The following ANKRD44 variants were observed in gnomAD, a reference collection of about 807,000 sequenced individuals.
ANKRD44 encodes the protein serine/threonine-protein phosphatase 6 regulatory ankyrin repeat subunit B.
A neutral mutation model predicts 116.0 loss-of-function variants in ANKRD44; 35 were observed. The ratio of observed to expected loss-of-function variants is 0.30; its 90% confidence interval spans 0.23 to 0.40. The LOEUF (loss-of-function observed/expected upper bound fraction) is 0.40. ANKRD44 is among the 10% of genes least tolerant of loss of function. ANKRD44 has a pLI of 1.00. For synonymous variants in ANKRD44, 435 were observed against 461.8 expected (o/e 0.94, Z 0.74); for missense variants, 1,014 against 1,242.6 (o/e 0.82, Z 2.77).
At chr2:196,991,729 T>C (rs1351466689) in intron 27 of ANKRD44, among the ~76,000 whole-genome samples, 2 of 150,864 alleles carry the variant, frequency 1.3e-5, no homozygotes, top group Non-Finnish European at 1.5e-5. Flanking sequence ...TATAGGTGTG[T>C]GCCACTACTA....
intron 16 of ANKRD44, among the ~76,000 whole-genome samples, chr2:197,048,742 C>T (rs2077050993): frequency 6.6e-6 from 1 of 152,184 alleles, no homozygotes; most frequent in South Asian, 2.1e-4. Context: ...ATTTCTAGTT[C>T]TAGATCCTTG....
chr2:197,074,476 T>C (rs1336097773), intron 16 of ANKRD44, among the ~76,000 whole-genome samples: 2 of 152,160 alleles, frequency 1.3e-5, no homozygotes, highest in Non-Finnish European at 2.9e-5. Context: ...TGTAAGTCCA[T>C]ATTATTTTTC....
At chr2:197,025,980 A>G (rs1394458752) in intron 16 of ANKRD44, among the ~76,000 whole-genome samples, 1 of 147,298 alleles carries the variant, frequency 6.8e-6, no homozygotes, top group East Asian at 2.1e-4. Flanking sequence ...TTGGTGGAAG[A>G]ACAAATTGTT....
intron 10 of ANKRD44, among the ~76,000 whole-genome samples, chr2:197,094,632 G>A (rs1243681772): frequency 6.6e-6 from 1 of 152,184 alleles, no homozygotes; most frequent in East Asian, 1.9e-4. Context: ...AAGTGTCCCA[G>A]CAAAGTGGGA....
intron 1 of ANKRD44, among the ~76,000 whole-genome samples, chr2:197,227,193 C>A (rs1157988298): frequency 1.3e-5 from 2 of 152,242 alleles, no homozygotes; most frequent in Non-Finnish European, 2.9e-5. Flanking sequence ...TAAAAAACTT[C>A]ATTCGGTGGT....
intron 16 of ANKRD44, among the ~76,000 whole-genome samples, chr2:197,069,112 G>A (rs752400610): frequency 6.6e-5 from 10 of 152,134 alleles, no homozygotes; most frequent in Non-Finnish European, 1.2e-4. Flanking sequence ...GGAATACTAT[G>A]CAGCCATAAA....
intron 16 of ANKRD44, among the ~76,000 whole-genome samples, chr2:197,076,878 A>T (rs2077680798): frequency 6.6e-6 from 1 of 152,176 alleles, no homozygotes; most frequent in South Asian, 2.1e-4. Flanking sequence ...GTATCTATGT[A>T]CCATACTGTC....
chr2:197,208,942 C>T (rs1260344732), intron 1 of ANKRD44, among the ~76,000 whole-genome samples: 1 of 152,218 alleles, frequency 6.6e-6, no homozygotes, highest in Non-Finnish European at 1.5e-5. Context: ...GTCTGCCTCT[C>T]TCAGAACATA....
chr2:197,276,665 G>A (rs1182546294), intron 1 of ANKRD44, among the ~76,000 whole-genome samples: 1 of 151,990 alleles, frequency 6.6e-6, no homozygotes, highest in African/African-American at 2.4e-5. Flanking sequence ...TATAATTAGA[G>A]TATTACATTG....
chr2:197,263,438 A>G (rs1222311099), intron 1 of ANKRD44: 5 of 565,020 alleles, frequency 8.8e-6, no homozygotes, highest in Non-Finnish European at 1.6e-5. Context: ...TCTCTGAAAC[A>G]ACAGCTCTTC....
chr2:197,114,307 C>T (rs1472174718), intron 8 of ANKRD44, among the ~76,000 whole-genome samples: 2 of 152,160 alleles, frequency 1.3e-5, no homozygotes. Context: ...TTTCTAGCTA[C>T]ATTTTCCCAT....
At chr2:197,300,674 C>T (rs183358111) in intron 1 of ANKRD44, among the ~76,000 whole-genome samples, 151 of 152,008 alleles carry the variant, frequency 9.9e-4, no homozygotes, top group African/African-American at 3.5e-3. Context: ...AGAATGTGCA[C>T]CTTGGAGTTG....
intron 4 of ANKRD44, among the ~76,000 whole-genome samples, chr2:197,132,033 C>T (rs2125369592): frequency 6.6e-6 from 1 of 152,276 alleles, no homozygotes; most frequent in East Asian, 1.9e-4. Flanking sequence ...TGTTAGCTGG[C>T]ACTATAAAAG....
rs773109384 is a variant in ANKRD44 at position 197,013,568 on chromosome 2, C to T, written c.1867G>A (p.Gly623Ser). 6.2e-7 allele frequency: 1 copy of T among 1,614,160 alleles called. No homozygotes were observed. The highest frequency in any genetic ancestry group is 1.1e-5 in the South Asian group (1 of 91,080). The change falls in exon 18 of 28, where the codon GGC becomes AGC. Residue 623 changes from glycine (G) to serine (S), a missense_variant. Gly to Ser is a moderately conservative substitution (Grantham distance 56, BLOSUM62 0). Transcript: ENST00000282272. ...TECVEALINQ[G>S]ASIFVKDNVT... is the part of the protein sequence containing the mutation. Reference sequence around the variant, plus strand: ...TTGTCTTTCACAAAGATGGATGCGCCCTGATTGATAAGCGCTTCCACACAT... The same window carrying T: ...TTGTCTTTCACAAAGATGGATGCGCTCTGATTGATAAGCGCTTCCACACAT...
At chr2:197,009,657 C>T (rs2076261717) in intron 18 of ANKRD44, among the ~76,000 whole-genome samples, 1 of 152,192 alleles carries the variant, frequency 6.6e-6, no homozygotes, top group Non-Finnish European at 1.5e-5. Flanking sequence ...GCATGAGCCA[C>T]CGTGCCTGGC....
intron 10 of ANKRD44, chr2:197,099,440 A>G (rs753427151): frequency 5.5e-5 from 47 of 847,408 alleles, no homozygotes; most frequent in Admixed American, 3.7e-4. Context: ...CTCTATAACC[A>G]TATCATTAAA....
At chr2:197,016,330 T>C (rs1323037864) in intron 17 of ANKRD44, among the ~76,000 whole-genome samples, 1 of 152,208 alleles carries the variant, frequency 6.6e-6, no homozygotes, top group Non-Finnish European at 1.5e-5. Flanking sequence ...TTACGTCAGG[T>C]ATATTGTCTT....
downstream of ANKRD44, among the ~76,000 whole-genome samples, chr2:196,984,104 A>G (rs2075820978): frequency 6.6e-6 from 1 of 152,202 alleles, no homozygotes; most frequent in Admixed American, 6.5e-5. Context: ...AAAATAGATG[A>G]GGCAATATGG....
chr2:196,978,852 G>T (rs1574211348), intron 21 of ANKRD44, among the ~76,000 whole-genome samples: 1 of 142,346 alleles, frequency 7.0e-6, no homozygotes, highest in Non-Finnish European at 1.5e-5. Context: ...ACTCTCTGTT[G>T]TAACCAATAT....
Sources: gnomAD v4.1 joint callset for allele counts (sites outside exome capture counted in the v4.1 genomes callset) on GRCh38, gnomAD v4.1.1 for gene constraint, MANE v1.5 for transcripts, NCBI Gene and HGNC (gene_info 2026-07-23, HGNC 2026-07-21) for gene names.